Variants in IGSF10 observed in about 807,000 individuals in gnomAD.
The protein encoded by IGSF10 is immunoglobulin superfamily member 10, also known as calvaria mechanical force protein 608.
In IGSF10, 126 loss-of-function variants were observed where a neutral mutation model predicts 128.2. The observed-to-expected ratio is 0.98, with a 90% CI of 0.85 to 1.14. IGSF10 has a LOEUF of 1.14. Among genes scored for constraint, IGSF10 ranks in the 50% most tolerant of loss-of-function variants. IGSF10 has a pLI of 0.00. For missense variants in IGSF10, 3,295 were observed against 3,149.8 expected (o/e 1.05, Z -1.10); for synonymous variants, 1,185 against 1,146.2 (o/e 1.03, Z -0.68).
At chr3:151,460,882 C>G (rs1345356027) in intron 1 of IGSF10, 64 bp downstream of exon 1, 2 of 977,714 alleles carry the variant, frequency 2.0e-6, no homozygotes, top group Non-Finnish European at 2.4e-6. Context: ...TCCATTCCCA[C>G]GCCAAGCCCC....
At chr3:151,524,898 C>T in the IGSF10 span, among the ~76,000 whole-genome samples, 1,174 of 151,856 alleles carry the variant, frequency 7.7e-3, 12 homozygotes, top group Non-Finnish European at 0.011. Flanking sequence ...TCCTTCTCTT[C>T]CATCATTCCT....
chr3:151,464,897 A>G (rs910358160), upstream of IGSF10, among the ~76,000 whole-genome samples: 11 of 152,238 alleles, frequency 7.2e-5, no homozygotes, highest in Non-Finnish European at 1.3e-4. Context: ...TCAACCAACT[A>G]AAGTCAAACT....
At chr3:151,449,394 T>A (rs767917949) in intron 5 of IGSF10, 129 bp from the exon 6 acceptor site, 7 of 894,544 alleles carry the variant, frequency 7.8e-6, no homozygotes, top group South Asian at 2.0e-5. Flanking sequence ...GAAAGTTTTC[T>A]GATTTTTTGC....
Position 151,453,790 on chromosome 3 carries a change from A to G in IGSF10, c.325-16T>C. 3 of 1,425,042 alleles carry G rather than the reference A, an allele frequency of 2.1e-6. No individual in the cohort carries two copies. Among genetic ancestry groups the G allele is most frequent in the Non-Finnish European group, 2.9e-6 (3 of 1,051,298 alleles). 88.3% of individuals were successfully genotyped at this position (1,425,042 alleles called of 1,614,324 possible). On this transcript the variant is annotated splice_polypyrimidine_tract_variant and intron_variant, in intron 4 of 7. Coordinates refer to ENST00000282466, the MANE Select transcript of IGSF10 (RefSeq NM_178822.5). ...TTTTTAAGACCTATGAATTAAAAAA[A>G]AGAACATATTTATGTTGTCAAAGGA...
chr3:151,498,000 T>C, the IGSF10 span, among the ~76,000 whole-genome samples: 1,498 of 152,302 alleles, frequency 9.8e-3, 20 homozygotes, highest in Middle Eastern at 0.058. Context: ...ATAAGAATGC[T>C]TGTGATTTTT....
the IGSF10 span, among the ~76,000 whole-genome samples, chr3:151,500,973 G>T: frequency 1.7e-3 from 248 of 143,896 alleles, 1 homozygote; most frequent in African/African-American, 6.5e-3. Flanking sequence ...GAAGTCACAT[G>T]ATATTATGTA....
chr3:151,519,424 C>G, the IGSF10 span, among the ~76,000 whole-genome samples: 1 of 151,666 alleles, frequency 6.6e-6, no homozygotes, highest in African/African-American at 2.4e-5. Context: ...TGTGTTAGGC[C>G]GCATTAGAAT....
At chr3:151,581,979 TCG>T in the IGSF10 span, among the ~76,000 whole-genome samples, 3 of 152,016 alleles carry the variant, frequency 2.0e-5, no homozygotes, top group African/African-American at 7.2e-5. Context: ...GGCATGAGAA[TCG>T]CTTGAACCCG....
the IGSF10 span, among the ~76,000 whole-genome samples, chr3:151,506,062 C>T: frequency 0.023 from 3,501 of 152,208 alleles, 100 homozygotes; most frequent in East Asian, 0.062. Context: ...AGTAATTCTC[C>T]TGCCTCAGCC....
chr3:151,543,187 A>G, the IGSF10 span, among the ~76,000 whole-genome samples: 1 of 152,184 alleles, frequency 6.6e-6, no homozygotes, highest in East Asian at 1.9e-4. Flanking sequence ...GTTTTCCTGC[A>G]GTAAATAAGT....
At chr3:151,547,423 T>TACAC in the IGSF10 span, among the ~76,000 whole-genome samples, 1 of 85,144 alleles carries the variant, frequency 1.2e-5, no homozygotes, top group African/African-American at 5.1e-5. Flanking sequence ...TATATAAATA[T>TACAC]ATATATACAC....
chr3:151,513,949 C>CCACT, the IGSF10 span, among the ~76,000 whole-genome samples: 6 of 152,238 alleles, frequency 3.9e-5, no homozygotes, highest in East Asian at 1.2e-3. Flanking sequence ...GAACTACCAA[C>CCACT]CACTGCTCAA....
the IGSF10 span, among the ~76,000 whole-genome samples, chr3:151,560,234 C>T: frequency 6.6e-6 from 1 of 151,840 alleles, no homozygotes; most frequent in Admixed American, 6.6e-5. Context: ...GGTATTTGTA[C>T]CAGGAAGAAA....
chr3:151,515,722 C>CGT, the IGSF10 span, among the ~76,000 whole-genome samples: 682 of 147,134 alleles, frequency 4.6e-3, no homozygotes, highest in African/African-American at 7.2e-3. Flanking sequence ...AATTATATTA[C>CGT]GTGTGTGTGT....
chr3:151,461,472 G>A (rs1722058422), upstream of IGSF10: 1 of 960,482 alleles, frequency 1.0e-6, no homozygotes, highest in Non-Finnish European at 1.2e-6. Flanking sequence ...TTAAAAATAA[G>A]TAAATTATAT....
the IGSF10 span, among the ~76,000 whole-genome samples, chr3:151,596,124 G>T: frequency 6.6e-6 from 1 of 152,060 alleles, no homozygotes; most frequent in Non-Finnish European, 1.5e-5. Context: ...GCCAAATGTG[G>T]TCATATGAAT....
At chr3:151,465,940 C>A (rs1390263743), upstream of IGSF10, among the ~76,000 whole-genome samples, 4 of 152,214 alleles carry the variant, frequency 2.6e-5, no homozygotes, top group African/African-American at 9.6e-5. Flanking sequence ...TGCTGAGTGT[C>A]AAACTGTGTT....
At chr3:151,571,784 T>A in the IGSF10 span, among the ~76,000 whole-genome samples, 1 of 152,216 alleles carries the variant, frequency 6.6e-6, no homozygotes, top group South Asian at 2.1e-4. Context: ...AGAGAGGGCA[T>A]CCCTGTCTTG....
chr3:151,550,327 A>G, the IGSF10 span, among the ~76,000 whole-genome samples: 1 of 152,184 alleles, frequency 6.6e-6, no homozygotes, highest in African/African-American at 2.4e-5. Context: ...TTATCAAGGA[A>G]ATGTTGTGAA....
Sources: allele counts gnomAD v4.1 joint callset (sites outside exome capture counted in the v4.1 genomes callset), GRCh38; gene constraint gnomAD v4.1.1; transcripts MANE v1.5; gene names NCBI Gene and HGNC (gene_info 2026-07-23, HGNC 2026-07-21).